The following KCNQ5 variants were observed in gnomAD, a reference collection of about 807,000 sequenced individuals.
The protein encoded by KCNQ5 is potassium voltage-gated channel subfamily KQT member 5.
A neutral mutation model predicts 98.2 loss-of-function variants in KCNQ5; 30 were observed. The ratio of observed to expected loss-of-function variants is 0.31; its 90% confidence interval spans 0.23 to 0.41. The LOEUF (loss-of-function observed/expected upper bound fraction) is 0.41. Among genes scored for constraint, KCNQ5 ranks in the 10% least tolerant of loss-of-function variants. KCNQ5 has a pLI of 1.00. For missense variants in KCNQ5, 835 were observed against 1,182.5 expected, an observed-to-expected ratio of 0.71 and a Z score of 4.31; for synonymous variants, 458 against 449.4, an observed-to-expected ratio of 1.02 and a Z score of -0.24.
chr6:72,937,622 T>C (rs1327937077), intron 1 of KCNQ5, among the ~76,000 whole-genome samples: 1 of 152,096 alleles, frequency 6.6e-6, no homozygotes, highest in Non-Finnish European at 1.5e-5. Context: ...TCTCCCAAAA[T>C]GAAGAACAAA....
At chr6:72,831,799 G>A (rs182099494) in intron 1 of KCNQ5, among the ~76,000 whole-genome samples, 1 of 152,012 alleles carries the variant, frequency 6.6e-6, no homozygotes, top group East Asian at 1.9e-4. Context: ...TTGTTGCAGA[G>A]CCCTTTTACT....
At chr6:73,124,691 T>C in intron 9 of KCNQ5, 179 bp downstream of exon 9, 1 of 635,632 alleles carries the variant, frequency 1.6e-6, no homozygotes, top group Non-Finnish European at 2.8e-6. Context: ...AGTATCAAAG[T>C]GTCTTTCCCT....
At chr6:73,012,059 CT>C (rs944744882) in intron 2 of KCNQ5, among the ~76,000 whole-genome samples, 4 of 151,988 alleles carry the variant, frequency 2.6e-5, no homozygotes, top group African/African-American at 9.7e-5. Context: ...AACAATACAG[CT>C]TTTTTTCCTC....
At chr6:73,152,106 A>G (rs1777175383) in intron 10 of KCNQ5, among the ~76,000 whole-genome samples, 1 of 152,058 alleles carries the variant, frequency 6.6e-6, no homozygotes, top group Admixed American at 6.5e-5. Flanking sequence ...GATGAAGTAC[A>G]TCCTATCATA....
intron 2 of KCNQ5, among the ~76,000 whole-genome samples, chr6:73,026,001 C>G (rs1338269590): frequency 6.6e-6 from 1 of 152,160 alleles, no homozygotes; most frequent in Non-Finnish European, 1.5e-5. Context: ...ATGCCTTGTT[C>G]TTAGCTTAGA....
At chr6:72,797,502 C>CAA (rs543983897) in intron 1 of KCNQ5, among the ~76,000 whole-genome samples, 1 of 87,396 alleles carries the variant, frequency 1.1e-5, no homozygotes, top group African/African-American at 3.6e-5. Context: ...AAGACCCTGC[C>CAA]AAAAAAAAAA....
intron 1 of KCNQ5, chr6:72,806,711 T>C: frequency 2.5e-6 from 1 of 395,376 alleles, no homozygotes; most frequent in Non-Finnish European, 4.9e-6. Flanking sequence ...TCTTCTGCAT[T>C]TCCCATATTT....
rs185363789 is a variant in KCNQ5 at position 72,922,779 on chromosome 6, A to G, written c.399-81129A>G. 2.5e-3 allele frequency among the ~76,000 whole-genome samples: 378 copies of G among 149,362 alleles called. 1 individual carries two copies. The highest frequency in any genetic ancestry group is 9.1e-3 in the African/African-American group (369 of 40,660). On this transcript the variant is annotated intron_variant, in intron 1 of 13. Transcript: ENST00000370398. Reference sequence around the variant, plus strand: ...CTTAATAATATTTCATTGGGTATATAGGACACCTTTCTTTCTTTCTTTTTC... The same window carrying G: ...CTTAATAATATTTCATTGGGTATATGGGACACCTTTCTTTCTTTCTTTTTC...
At chr6:72,765,593 G>A (rs1375768581) in intron 1 of KCNQ5, among the ~76,000 whole-genome samples, 1 of 152,004 alleles carries the variant, frequency 6.6e-6, no homozygotes, top group Non-Finnish European at 1.5e-5. Flanking sequence ...GATGTAGAGG[G>A]TCTTGAGGAT....
At chr6:72,858,069 C>T (rs948653709) in intron 1 of KCNQ5, among the ~76,000 whole-genome samples, 21 of 151,944 alleles carry the variant, frequency 1.4e-4, no homozygotes, top group Non-Finnish European at 2.5e-4. Flanking sequence ...TAAGAGGTTG[C>T]GAGAAGTCAT....
intron 1 of KCNQ5, among the ~76,000 whole-genome samples, chr6:72,962,093 G>A (rs904448509): frequency 2.0e-5 from 3 of 151,094 alleles, no homozygotes; most frequent in Admixed American, 6.6e-5. Flanking sequence ...CAGGAGGATC[G>A]CTTGAGCCTG....
intron 1 of KCNQ5, among the ~76,000 whole-genome samples, chr6:72,947,164 G>A (rs969732072): frequency 6.6e-6 from 1 of 152,092 alleles, no homozygotes. Flanking sequence ...TGATGTACAG[G>A]GGGAAAAGGT....
intron 1 of KCNQ5, among the ~76,000 whole-genome samples, chr6:72,920,414 A>G (rs1780341154): frequency 6.6e-6 from 1 of 152,212 alleles, no homozygotes. Flanking sequence ...TCCCTTTAAA[A>G]ATAGTAGAGT....
At chr6:73,104,371 A>T (rs148883724) in intron 5 of KCNQ5, among the ~76,000 whole-genome samples, 4,323 of 152,222 alleles carry the variant, frequency 0.028, 200 homozygotes, top group African/African-American at 0.097. Context: ...AAATTAAAAT[A>T]CTTAGGAATA....
At chr6:72,836,359 A>G (rs974459424) in intron 1 of KCNQ5, among the ~76,000 whole-genome samples, 1 of 152,200 alleles carries the variant, frequency 6.6e-6, no homozygotes, top group African/African-American at 2.4e-5. Context: ...TGACCCTCAG[A>G]TAAGTATCTA....
At chr6:72,784,875 G>T (rs748921602) in intron 1 of KCNQ5, among the ~76,000 whole-genome samples, 2 of 152,210 alleles carry the variant, frequency 1.3e-5, no homozygotes, top group Non-Finnish European at 2.9e-5. Flanking sequence ...GATTACCCCA[G>T]AAGAGAGAAA....
intron 1 of KCNQ5, among the ~76,000 whole-genome samples, chr6:72,744,372 T>C (rs1771273133): frequency 6.6e-6 from 1 of 152,266 alleles, no homozygotes; most frequent in Non-Finnish European, 1.5e-5. Context: ...ATTATAGATG[T>C]GTACTGCCAT....
chr6:72,853,882 C>T (rs1777405771), intron 1 of KCNQ5, among the ~76,000 whole-genome samples: 1 of 152,152 alleles, frequency 6.6e-6, no homozygotes, highest in Non-Finnish European at 1.5e-5. Flanking sequence ...TTCTTATAAA[C>T]ATTTAGAGAA....
intron 1 of KCNQ5, among the ~76,000 whole-genome samples, chr6:72,696,837 C>T (rs1173325938): frequency 1.3e-5 from 2 of 152,020 alleles, no homozygotes; most frequent in Non-Finnish European, 2.9e-5. Flanking sequence ...GAATACATAT[C>T]TTGCATAAAG....
Sources: allele counts gnomAD v4.1 joint callset (sites outside exome capture counted in the v4.1 genomes callset), GRCh38; gene constraint gnomAD v4.1.1; transcripts MANE v1.5; gene names NCBI Gene and HGNC (gene_info 2026-07-23, HGNC 2026-07-21).